Variants in HSP90AA1 observed in about 807,000 individuals in gnomAD.
HSP90AA1 encodes the protein heat shock protein HSP 90-alpha.
Under a neutral mutation model 73.3 loss-of-function variants are expected in HSP90AA1, and 18 were observed. The ratio of observed to expected loss-of-function variants is 0.25; its 90% CI spans 0.17 to 0.36. HSP90AA1 has a LOEUF of 0.36. HSP90AA1 is among the 10% of genes least tolerant of loss of function. The pLI is 1.00. For synonymous variants in HSP90AA1, 477 were observed against 296.9 expected, an observed-to-expected ratio of 1.61 and a Z score of -6.24; for missense variants, 704 against 874.2, an observed-to-expected ratio of 0.81 and a Z score of 2.45.
rs2049163208 is a variant in HSP90AA1 at position 102,084,117 on chromosome 14, T to C, written c.1148-134A>G. The stretch of plus-strand genomic sequence containing the variant: ...GACAGTCTCACTCTGTTGCCCAGGC[T>C]GGAGGGCAGTGGCGCAATCTCCACT... On this transcript the variant is annotated intron_variant, in intron 6 of 10. Coordinates refer to ENST00000216281, the MANE Select transcript of HSP90AA1 (RefSeq NM_005348.4). 2.1e-5 allele frequency: 17 copies of C among 799,402 alleles called. 1 individual carries two copies. The South Asian group carries it at 2.3e-4, about 11-fold the overall frequency. 49.5% of individuals were successfully genotyped at this position (799,402 alleles called of 1,614,324 possible). A position where few individuals can be genotyped will look rare whatever the true frequency, so the allele number is the denominator to read the frequency against.
chr14:102,129,482 T>A (rs1350498612), intron 1 of HSP90AA1, among the ~76,000 whole-genome samples: 4 of 150,024 alleles, frequency 2.7e-5, no homozygotes, highest in Non-Finnish European at 5.9e-5. Flanking sequence ...ACAAATCTAC[T>A]TTCTGTCTCT....
intron 1 of HSP90AA1, 56 bp from the exon 2 acceptor site, chr14:102,086,434 GAA>G (rs1178998142): frequency 5.7e-6 from 9 of 1,582,928 alleles, no homozygotes; most frequent in Non-Finnish European, 7.8e-6. Context: ...GAGGCAACAC[GAA>G]ATTCCATCGC....
At chr14:102,083,398 C>T in intron 8 of HSP90AA1, 96 bp from the exon 9 acceptor site, 2 of 1,470,476 alleles carry the variant, frequency 1.4e-6, no homozygotes, top group Non-Finnish European at 1.9e-6. Flanking sequence ...CTAGGCAGAA[C>T]CTAAGACAGA....
intron 2 of HSP90AA1, among the ~76,000 whole-genome samples, chr14:102,100,715 A>G (rs1402366504): frequency 6.6e-6 from 1 of 152,104 alleles, no homozygotes; most frequent in Admixed American, 6.5e-5. Context: ...GTGAGCCACC[A>G]TGCCCAGCTC....
chr14:102,082,588 C>G, intron 9 of HSP90AA1, 144 bp from the exon 10 acceptor site: 1 of 686,870 alleles, frequency 1.5e-6, no homozygotes, highest in Non-Finnish European at 2.5e-6. Context: ...CATTAGGTAT[C>G]CAAAGAGCAC....
upstream of HSP90AA1, chr14:102,087,129 G>T (rs1463689655): frequency 3.0e-6 from 3 of 984,138 alleles, no homozygotes; most frequent in Non-Finnish European, 3.6e-6. Context: ...CGAACCTTCC[G>T]GAAGAACCCT....
intron 3 of HSP90AA1, 60 bp from the exon 4 acceptor site, chr14:102,085,491 C>G: frequency 6.8e-7 from 1 of 1,476,818 alleles, no homozygotes; most frequent in Non-Finnish European, 9.5e-7. Flanking sequence ...AACGCCATGC[C>G]TAACACCCTT....
chr14:102,087,567 G>A (rs894778249), upstream of HSP90AA1, among the ~76,000 whole-genome samples: 1 of 152,006 alleles, frequency 6.6e-6, no homozygotes, highest in African/African-American at 2.4e-5. Flanking sequence ...CCGTCGTCCT[G>A]ACTGGCGCCG....
chr14:102,089,375 ACTT>A (rs1179947020), upstream of HSP90AA1, among the ~76,000 whole-genome samples: 1 of 151,642 alleles, frequency 6.6e-6, no homozygotes, highest in East Asian at 1.9e-4. Context: ...TCCTTCCACA[ACTT>A]CTTGTCTTTC....
chr14:102,129,160 G>A (rs1412277492), intron 1 of HSP90AA1, among the ~76,000 whole-genome samples: 2 of 130,810 alleles, frequency 1.5e-5, no homozygotes, highest in African/African-American at 3.0e-5. Context: ...TTTTTGAGAC[G>A]GAGTCTCACT....
chr14:102,116,357 C>G (rs558667896), intron 1 of HSP90AA1, among the ~76,000 whole-genome samples: 2 of 152,242 alleles, frequency 1.3e-5, no homozygotes, highest in East Asian at 3.9e-4. Context: ...TTATTGATTT[C>G]TAGGAGTCCT....
At chr14:102,116,201 C>T (rs1333265890) in intron 1 of HSP90AA1, among the ~76,000 whole-genome samples, 1 of 151,938 alleles carries the variant, frequency 6.6e-6, no homozygotes, top group Non-Finnish European at 1.5e-5. Flanking sequence ...GATCCACCAA[C>T]CTTGGCCTCC....
intron 2 of HSP90AA1, among the ~76,000 whole-genome samples, chr14:102,096,121 A>G (rs997122256): frequency 6.6e-6 from 1 of 151,864 alleles, no homozygotes; most frequent in Non-Finnish European, 1.5e-5. Flanking sequence ...CCCACAACCC[A>G]CCTGAGTTCC....
chr14:102,125,115 C>A (rs1453537016), intron 1 of HSP90AA1, among the ~76,000 whole-genome samples: 2 of 152,080 alleles, frequency 1.3e-5, no homozygotes, highest in Non-Finnish European at 2.9e-5. Flanking sequence ...TCTCAGCCTC[C>A]CAAGTAGCTG....
rs980916090 is a variant in HSP90AA1, at chr14:102,084,895, G to T, written c.767C>A (p.Pro256His). The T allele has an allele frequency of 9.0e-6, 14 of 1,563,222 alleles. No homozygotes were observed. In the Admixed American group the frequency reaches 1.2e-4, roughly 13 times the overall value. Residue 256 changes from proline to histidine, a missense_variant, in exon 5 of 11, where the codon CCT (proline) becomes CAT (histidine). Pro to His is a moderately conservative substitution (Grantham distance 77). Coordinates refer to ENST00000216281, the MANE Select transcript of HSP90AA1 (RefSeq NM_005348.4). ...ATCAGAACCAACATCTTCAATTTCA[G>T]GTTTGTCTTCCGACTCTTTCTCTTC... ...EKEEKESEDKPEIEDVGSDEE... is the reference protein window; with the variant it reads ...EKEEKESEDKHEIEDVGSDEE...
rs557136588 is a variant in HSP90AA1 at position 102,129,287 on chromosome 14, C to T, written c.155+9963G>A. The stretch of plus-strand genomic sequence containing the variant: ...GATTACTACAGGGGATTACTACAGG[C>T]ATGTGCCACCACGCCCACCTGGCTA... On this transcript the variant is annotated intron_variant, in intron 1 of 11. Coordinates refer to the HSP90AA1 transcript ENST00000334701. Among the ~76,000 whole-genome samples the T allele has an allele frequency of 2.6e-3, 400 of 152,034 alleles. 3 individuals carry two copies. Among genetic ancestry groups the T allele is most frequent in the African/African-American group, 8.8e-3 (365 of 41,484 alleles).
At chr14:102,136,176 T>C (rs1004072593) in intron 1 of HSP90AA1, among the ~76,000 whole-genome samples, 14 of 152,350 alleles carry the variant, frequency 9.2e-5, no homozygotes, top group Non-Finnish European at 1.9e-4. Context: ...ATTTTGGTAG[T>C]TGTTTAGAAG....
rs11547532 is a variant in HSP90AA1 at position 102,082,325 on chromosome 14, C to T, written c.1875G>A (p.Met625Ile). 1 of 1,613,908 alleles carries T rather than the reference C, an allele frequency of 6.2e-7. No homozygotes were observed. The highest frequency in any genetic ancestry group is 8.5e-7 in the Non-Finnish European group (1 of 1,179,830). The change falls in exon 10 of 11, where the codon ATG becomes ATA. Residue 625 changes from methionine (M) to isoleucine (I), a missense_variant. By Grantham distance (10) the Met-to-Ile change is conservative. Coordinates refer to ENST00000216281, the MANE Select transcript of HSP90AA1 (RefSeq NM_005348.4). ...KAQALRDNST[M>I]GYMAAKKHLE... Reference sequence around the variant, plus strand: ...GGTGTTTCTTTGCTGCCATGTAACCCATTGTTGAGTTGTCTCTTAGGGCTT... The same window carrying T: ...GGTGTTTCTTTGCTGCCATGTAACCTATTGTTGAGTTGTCTCTTAGGGCTT...
At chr14:102,135,341 G>C (rs2049975812) in intron 1 of HSP90AA1, among the ~76,000 whole-genome samples, 1 of 151,806 alleles carries the variant, frequency 6.6e-6, no homozygotes, top group Non-Finnish European at 1.5e-5. Flanking sequence ...AGACATAAAG[G>C]TTCTCCAAGG....
Sources: allele counts gnomAD v4.1 joint callset (sites outside exome capture counted in the v4.1 genomes callset), GRCh38; gene constraint gnomAD v4.1.1; transcripts MANE v1.5; gene names NCBI Gene and HGNC (gene_info 2026-07-23, HGNC 2026-07-21).